FUT8: variants seen among roughly 807,000 people sequenced by gnomAD.
FUT8 encodes the protein fucosyltransferase 8.
FUT8 carries 29 observed loss-of-function variants against 71.3 expected under a neutral mutation model. The ratio of observed to expected loss-of-function variants is 0.41; its 90% CI spans 0.30 to 0.55. The LOEUF (loss-of-function observed/expected upper bound fraction) is 0.55, where lower values mean the gene tolerates loss of function less well. Ranked by LOEUF, FUT8 falls within the 20% of genes least tolerant of loss-of-function variation. The pLI is 0.34. For synonymous variants in FUT8, 254 were observed against 239.3 expected (o/e 1.06, Z -0.57); for missense variants, 544 against 702.1 (o/e 0.77, Z 2.55).
chr14:65,530,234 A>G (rs949642715), intron 2 of FUT8, among the ~76,000 whole-genome samples: 2 of 152,144 alleles, frequency 1.3e-5, no homozygotes, highest in African/African-American at 4.8e-5. Flanking sequence ...TTCACCTCCT[A>G]CATACTACAG....
At chr14:65,365,328 C>CCTCT in the FUT8 span, among the ~76,000 whole-genome samples, 3,448 of 139,012 alleles carry the variant, frequency 0.025, 57 homozygotes, top group East Asian at 0.072. Flanking sequence ...ATAAATTCTT[C>CCTCT]CTCTCTCTCT....
chr14:65,602,379 A>G (rs1432411174), intron 3 of FUT8, among the ~76,000 whole-genome samples: 4 of 137,814 alleles, frequency 2.9e-5, no homozygotes, highest in African/African-American at 1.2e-4. Context: ...ACACACACAC[A>G]CACACACACA....
At chr14:65,518,817 G>A (rs1313852119) in intron 2 of FUT8, among the ~76,000 whole-genome samples, 1 of 152,200 alleles carries the variant, frequency 6.6e-6, no homozygotes, top group East Asian at 1.9e-4. Flanking sequence ...ACTGTGCCAG[G>A]CTTGTGGTTT....
At chr14:65,361,814 A>ATAAG in the FUT8 span, among the ~76,000 whole-genome samples, 160 of 151,840 alleles carry the variant, frequency 1.1e-3, 3 homozygotes, top group African/African-American at 3.7e-3. Context: ...AAACAAATAA[A>ATAAG]TAAATAAATA....
chr14:65,558,722 C>A (rs1885736660), intron 2 of FUT8, among the ~76,000 whole-genome samples: 3 of 152,100 alleles, frequency 2.0e-5, no homozygotes. Context: ...TGTACTTGTT[C>A]TTTTAAACCT....
intron 2 of FUT8, among the ~76,000 whole-genome samples, chr14:65,527,205 A>T (rs1883544737): frequency 6.6e-6 from 1 of 152,224 alleles, no homozygotes; most frequent in Admixed American, 6.5e-5. Flanking sequence ...TATGCCAATC[A>T]GACGTAGATT....
At chr14:65,736,591 AT>A (rs1169588678) in intron 10 of FUT8, among the ~76,000 whole-genome samples, 4 of 152,034 alleles carry the variant, frequency 2.6e-5, no homozygotes, top group Admixed American at 2.6e-4. Flanking sequence ...AAAGTTCTTC[AT>A]TCCCAAAAGG....
intron 2 of FUT8, among the ~76,000 whole-genome samples, chr14:65,523,595 A>T (rs1883234977): frequency 6.6e-6 from 1 of 152,090 alleles, no homozygotes; most frequent in Non-Finnish European, 1.5e-5. Flanking sequence ...CCCATTTGTC[A>T]ATTTTGGCTT....
intron 6 of FUT8, among the ~76,000 whole-genome samples, chr14:65,665,657 C>T (rs549278700): frequency 2.0e-4 from 30 of 152,214 alleles, no homozygotes; most frequent in Non-Finnish European, 3.2e-4. Context: ...GCACTATTCA[C>T]GGTAGCAAAG....
chr14:65,538,913 T>G (rs1442712458), intron 2 of FUT8, among the ~76,000 whole-genome samples: 1 of 152,050 alleles, frequency 6.6e-6, no homozygotes, highest in Non-Finnish European at 1.5e-5. Flanking sequence ...AGAGCAAGAC[T>G]CTGTCTCAAA....
intron 6 of FUT8, chr14:65,646,204 A>T (rs1463935169): frequency 1.3e-5 from 2 of 152,170 alleles, no homozygotes; most frequent in Non-Finnish European, 2.9e-5. Flanking sequence ...CAAATCTCCT[A>T]AGGAAGCTCT....
intron 7 of FUT8, among the ~76,000 whole-genome samples, chr14:65,709,248 A>C (rs1017779822): frequency 6.6e-6 from 1 of 152,190 alleles, no homozygotes; most frequent in African/African-American, 2.4e-5. Context: ...TTTATTAACA[A>C]TATTACCTTT....
intron 3 of FUT8, among the ~76,000 whole-genome samples, chr14:65,590,315 C>T (rs2140138461): frequency 6.6e-6 from 1 of 152,280 alleles, no homozygotes; most frequent in Admixed American, 6.5e-5. Context: ...AGTATGTTTT[C>T]ACCCAGCATA....
intron 2 of FUT8, among the ~76,000 whole-genome samples, chr14:65,526,236 C>A (rs572965422): frequency 6.6e-6 from 1 of 152,262 alleles, no homozygotes; most frequent in East Asian, 1.9e-4. Flanking sequence ...CTTTATGAAT[C>A]TGGGTGCTCC....
chr14:65,717,475 T>TC (rs1307000001), intron 7 of FUT8, among the ~76,000 whole-genome samples: 2 of 126,302 alleles, frequency 1.6e-5, no homozygotes, highest in African/African-American at 6.2e-5. Context: ...GCTCCTCACT[T>TC]CCTAGACGGG....
chr14:65,618,196 C>T (rs960782398), intron 5 of FUT8, among the ~76,000 whole-genome samples: 19 of 150,712 alleles, frequency 1.3e-4, no homozygotes, highest in Non-Finnish European at 2.4e-4. Flanking sequence ...GCTACCATGT[C>T]CAGCTGAATT....
chr14:65,692,896 A>G (rs1217476366), intron 7 of FUT8, among the ~76,000 whole-genome samples: 2 of 144,130 alleles, frequency 1.4e-5, no homozygotes, highest in Non-Finnish European at 1.5e-5. Flanking sequence ...CGCTCCCCAC[A>G]TCTCAGACGA....
At chr14:65,366,556 C>T in the FUT8 span, among the ~76,000 whole-genome samples, 1 of 152,132 alleles carries the variant, frequency 6.6e-6, no homozygotes, top group Non-Finnish European at 1.5e-5. Flanking sequence ...GAGTATTCAG[C>T]CTATACCCTA....
chr14:65,743,467 C>T lies in FUT8; in HGVS notation c.*1057C>T, dbSNP rs995025510. On this transcript the variant is annotated 3_prime_UTR_variant, in exon 11 of 11. Coordinates refer to ENST00000673929, the MANE Select transcript of FUT8 (RefSeq NM_001371533.1). ...GAAGCTATCACCTCCATTTCTAAAA[C>T]CATTTCAGGTTTGTTTGGTAGTCTT... is the stretch of plus-strand genomic sequence containing the variant. 6.6e-6 allele frequency: 1 copy of T among 151,828 alleles called. No homozygotes were observed. Among genetic ancestry groups the T allele is most frequent in the Non-Finnish European group, 1.5e-5 (1 of 67,864 alleles). The allele number at this position is 151,828 out of a possible 1,614,324, so 9.4% of individuals were successfully genotyped here.
Sources: gnomAD v4.1 joint callset for allele counts (sites outside exome capture counted in the v4.1 genomes callset) on GRCh38, gnomAD v4.1.1 for gene constraint, MANE v1.5 for transcripts, NCBI Gene and HGNC (gene_info 2026-07-23, HGNC 2026-07-21) for gene names.